The following SUPT3H variants were observed in gnomAD, a reference collection of about 807,000 sequenced individuals.
SUPT3H encodes SPT3 homolog, SAGA and STAGA complex component.
In SUPT3H, 44 loss-of-function variants were observed where a neutral mutation model predicts 44.3. That is an observed-to-expected ratio of 0.99 (90% CI 0.78 to 1.28). The LOEUF (loss-of-function observed/expected upper bound fraction) is 1.28. Ranked by LOEUF, SUPT3H falls within the 50% of genes most tolerant of loss-of-function variation. The pLI, the probability that SUPT3H is intolerant of heterozygous loss-of-function variation, is 0.00. For synonymous variants in SUPT3H, 124 were observed against 125.6 expected (o/e 0.99, Z 0.09); for missense variants, 380 against 387.1 (o/e 0.98, Z 0.15).
intron 2 of SUPT3H, among the ~76,000 whole-genome samples, chr6:45,232,070 T>G (rs1768162883): frequency 6.6e-6 from 1 of 152,200 alleles, no homozygotes; most frequent in South Asian, 2.1e-4. Context: ...TCCAGAATTG[T>G]GTAAATTTAT....
chr6:44,817,233 A>G (rs565326102), intron 11 of SUPT3H, among the ~76,000 whole-genome samples: 120 of 141,782 alleles, frequency 8.5e-4, no homozygotes, highest in African/African-American at 2.6e-3. Context: ...TATCACTGGG[A>G]AAAAAAAAAA....
chr6:45,118,284 A>G (rs1314584165), intron 2 of SUPT3H, among the ~76,000 whole-genome samples: 1 of 152,126 alleles, frequency 6.6e-6, no homozygotes, highest in Admixed American at 6.6e-5. Flanking sequence ...ACATCTCTGT[A>G]TCTACCTACT....
intron 9 of SUPT3H, among the ~76,000 whole-genome samples, chr6:44,948,796 C>T (rs543074368): frequency 2.0e-5 from 3 of 152,196 alleles, no homozygotes; most frequent in Non-Finnish European, 2.9e-5. Flanking sequence ...GCTGGTGGGA[C>T]TGTAAACTAG....
chr6:45,089,194 T>A (rs1163817346), intron 3 of SUPT3H, among the ~76,000 whole-genome samples: 1 of 152,018 alleles, frequency 6.6e-6, no homozygotes, highest in Admixed American at 6.6e-5. Flanking sequence ...TAAAAATATA[T>A]AGGTTTTTAA....
At chr6:44,907,426 C>T (rs753923679) in intron 10 of SUPT3H, among the ~76,000 whole-genome samples, 2 of 152,090 alleles carry the variant, frequency 1.3e-5, no homozygotes, top group Non-Finnish European at 2.9e-5. Context: ...CCTGTAATCC[C>T]GACACTTTGG....
intron 2 of SUPT3H, among the ~76,000 whole-genome samples, chr6:45,319,361 C>G (rs1201211395): frequency 6.6e-6 from 1 of 152,052 alleles, no homozygotes; most frequent in Non-Finnish European, 1.5e-5. Flanking sequence ...CAGAAAGATT[C>G]CTCCTCCATA....
chr6:45,348,616 A>G (rs1319013335), intron 2 of SUPT3H, among the ~76,000 whole-genome samples: 1 of 150,624 alleles, frequency 6.6e-6, no homozygotes, highest in Non-Finnish European at 1.5e-5. Context: ...TGGAGGTTGC[A>G]GTGAGCCAAG....
At chr6:44,954,155 T>G (rs1213857041) in intron 8 of SUPT3H, among the ~76,000 whole-genome samples, 2 of 152,196 alleles carry the variant, frequency 1.3e-5, no homozygotes, top group East Asian at 3.9e-4. Flanking sequence ...TAAGTACTCC[T>G]AAATTCTCAC....
In SUPT3H at chr6:45,286,032, T is replaced by G. The variant is rs370455534; in HGVS notation, c.101+79169A>C. ...ATTTAATAAATGGTGCTGGGAAAACTGGCTAGCCATATGTAGAAAGCTGAA... is the reference window on the plus strand; with the variant it reads ...ATTTAATAAATGGTGCTGGGAAAACGGGCTAGCCATATGTAGAAAGCTGAA... On this transcript the variant is annotated intron_variant, in intron 2 of 10. Coordinates refer to ENST00000371459, the MANE Select transcript of SUPT3H (RefSeq NM_003599.4). Among the ~76,000 whole-genome samples, 70 of 141,190 alleles carry G rather than the reference T, an allele frequency of 5.0e-4. No individual in the cohort carries two copies. In the East Asian group the frequency reaches 0.012, roughly 25 times the overall value. 92.6% of individuals were successfully genotyped at this position (141,190 alleles called of 152,430 possible).
chr6:44,953,769 T>C (rs1045015632), intron 8 of SUPT3H, among the ~76,000 whole-genome samples: 5 of 152,192 alleles, frequency 3.3e-5, no homozygotes, highest in African/African-American at 1.2e-4. Flanking sequence ...TTCGCTCTTG[T>C]TGCCCAGGCT....
intron 10 of SUPT3H, among the ~76,000 whole-genome samples, chr6:44,831,323 C>T (rs1768691679): frequency 6.7e-6 from 1 of 149,726 alleles, no homozygotes; most frequent in South Asian, 2.1e-4. Context: ...TGTTGTAGAA[C>T]ACTTCTGGAT....
In SUPT3H at chr6:45,093,590, G is replaced by T. The variant is rs187844360; in HGVS notation, c.186+12332C>A. On this transcript the variant is annotated intron_variant, in intron 3 of 10. Coordinates refer to ENST00000371459, the MANE Select transcript of SUPT3H (RefSeq NM_003599.4). ...AAAGAAAAACTGATAAATGAGAATA[G>T]AATACTTGGAAAACATCTGCCAAAT... Among the ~76,000 whole-genome samples the T allele has an allele frequency of 9.2e-5, 14 of 152,150 alleles. No individual in the cohort carries two copies. In the East Asian group the frequency reaches 2.5e-3, roughly 27 times the overall value.
In SUPT3H at chr6:44,975,169, T is replaced by TCAAACAAACAAA. The variant is rs112143344; in HGVS notation, c.505-13353_505-13342dup. ...CTGGGTGACACAGCAAGACTCCATC[T>TCAAACAAACAAA]CAAACAAACAAACAAACAAACAAAA... On this transcript the variant is annotated intron_variant, in intron 6 of 10. Coordinates refer to ENST00000371459, the MANE Select transcript of SUPT3H (RefSeq NM_003599.4). 5.0e-3 allele frequency among the ~76,000 whole-genome samples: 749 copies of TCAAACAAACAAA among 150,746 alleles called. 4 individuals are homozygous for TCAAACAAACAAA. The highest frequency in any genetic ancestry group is 0.011 in the African/African-American group (469 of 40,936).
intron 2 of SUPT3H, among the ~76,000 whole-genome samples, chr6:45,125,076 C>A (rs1802236279): frequency 6.6e-6 from 1 of 152,172 alleles, no homozygotes; most frequent in South Asian, 2.1e-4. Context: ...CTAGAGCCTT[C>A]AGAGAACAAG....
intron 2 of SUPT3H, among the ~76,000 whole-genome samples, chr6:45,146,060 C>T (rs1224477599): frequency 2.0e-5 from 3 of 152,104 alleles, no homozygotes; most frequent in Non-Finnish European, 4.4e-5. Flanking sequence ...CACTTTTACA[C>T]TGCTGGTGGG....
At chr6:45,283,827 T>C (rs934698497) in intron 2 of SUPT3H, among the ~76,000 whole-genome samples, 1 of 152,108 alleles carries the variant, frequency 6.6e-6, no homozygotes, top group Non-Finnish European at 1.5e-5. Flanking sequence ...ACTGACCACA[T>C]AGTTGGAAGT....
chr6:45,359,434 T>C (rs1053234927), intron 2 of SUPT3H, among the ~76,000 whole-genome samples: 1 of 152,170 alleles, frequency 6.6e-6, no homozygotes, highest in Non-Finnish European at 1.5e-5. Flanking sequence ...TATCTTAAAA[T>C]ATCCCAAACA....
In SUPT3H at chr6:45,312,798, T is replaced by C. The variant is rs549384131; in HGVS notation, c.101+52403A>G. On this transcript the variant is annotated intron_variant, in intron 2 of 10. Coordinates refer to ENST00000371459, the MANE Select transcript of SUPT3H (RefSeq NM_003599.4). ...TTGGAACAAATAGACTTTGAGCAGA[T>C]ATATACAGAACATTTCATCCAACAA... Among the ~76,000 whole-genome samples the C allele has an allele frequency of 4.0e-5, 6 of 150,088 alleles. No individual in the cohort carries two copies. In the South Asian group the frequency reaches 1.3e-3, roughly 31 times the overall value.
intron 2 of SUPT3H, among the ~76,000 whole-genome samples, chr6:45,338,567 C>T (rs1789101158): frequency 6.6e-6 from 1 of 152,008 alleles, no homozygotes; most frequent in Admixed American, 6.6e-5. Context: ...CAGTGTCAAA[C>T]AAGATTCTGC....
Sources: gnomAD v4.1 joint callset for allele counts (sites outside exome capture counted in the v4.1 genomes callset) on GRCh38, gnomAD v4.1.1 for gene constraint, MANE v1.5 for transcripts, NCBI Gene and HGNC (gene_info 2026-07-23, HGNC 2026-07-21) for gene names.